Variants in CASR observed in about 807,000 individuals in gnomAD.
CASR encodes the protein extracellular calcium-sensing receptor.
CASR carries 23 observed loss-of-function variants against 69.1 expected under a neutral mutation model. The observed-to-expected ratio is 0.33, with a 90% confidence interval of 0.24 to 0.47. The LOEUF is 0.47. Among genes scored for constraint, CASR ranks in the 20% least tolerant of loss-of-function variants. The pLI is 1.00. For missense variants in CASR, 924 were observed against 1,356.1 expected (o/e 0.68, Z 5.00); for synonymous variants, 541 against 544.7 (o/e 0.99, Z 0.10).
intron 1 of CASR, among the ~76,000 whole-genome samples, chr3:122,245,837 TTAAAAC>T (rs998014496): frequency 6.6e-6 from 1 of 152,196 alleles, no homozygotes; most frequent in African/African-American, 2.4e-5. Context: ...TGCGGTCCAA[TTAAAAC>T]TAAAAGAATT....
At chr3:122,269,340 T>C in intron 4 of CASR, among the ~76,000 whole-genome samples, 1 of 152,206 alleles carries the variant, frequency 6.6e-6, no homozygotes, top group Non-Finnish European at 1.5e-5. Flanking sequence ...TACCACTGAG[T>C]ATGATGTTAA....
At chr3:122,252,468 G>A (rs1488273348) in intron 1 of CASR, among the ~76,000 whole-genome samples, 1 of 88,656 alleles carries the variant, frequency 1.1e-5, no homozygotes, top group Non-Finnish European at 2.2e-5. Flanking sequence ...AGAAAGAAAA[G>A]AAAAGAAGGG....
chr3:122,188,159 G>A (rs2073804904), intron 1 of CASR, among the ~76,000 whole-genome samples: 1 of 152,210 alleles, frequency 6.6e-6, no homozygotes, highest in South Asian at 2.1e-4. Context: ...CTGAGTTGAA[G>A]GGGGCTCATT....
chr3:122,266,284 A>G (rs12492591), intron 4 of CASR, among the ~76,000 whole-genome samples: 4,683 of 152,050 alleles, frequency 0.031, 107 homozygotes, highest in South Asian at 0.043. Context: ...ATGGCATAAA[A>G]GAGTATGTTA....
In CASR at chr3:122,284,747, G is replaced by A; in HGVS notation, c.2793G>A (p.Lys931=). The A allele has an allele frequency of 3.1e-6, 5 of 1,614,124 alleles. No homozygotes were observed. Among genetic ancestry groups the A allele is most frequent in the Non-Finnish European group, 4.2e-6 (5 of 1,179,982 alleles). Residue 931 remains lysine, a synonymous_variant, in exon 7 of 7, where the codon AAG becomes AAA. Coordinates refer to ENST00000639785, the MANE Select transcript of CASR (RefSeq NM_000388.4). ...CATTCCCACAGCCCGAGAGGCAGAAGCAGCAGCAGCCGCTGGCCCTAACCC... is the reference window on the plus strand; with the variant it reads ...CATTCCCACAGCCCGAGAGGCAGAAACAGCAGCAGCCGCTGGCCCTAACCC... ...EDPFPQPERQ[K]QQQPLALTQQ...
chr3:122,287,501 C>T lies in CASR; in HGVS notation c.*2310C>T, dbSNP rs964442684. ...GACAGAAACTTCATCTTAGTCGAAT[C>T]GGGGTTTTCACAGTAACCTCAGTGT... is the stretch of plus-strand genomic sequence containing the variant. On this transcript the variant is annotated 3_prime_UTR_variant, in exon 7 of 7. Coordinates refer to ENST00000639785, the MANE Select transcript of CASR (RefSeq NM_000388.4). The T allele has an allele frequency of 1.8e-4, 27 of 152,330 alleles. No individual in the cohort carries two copies. Among genetic ancestry groups the T allele is most frequent in the African/African-American group, 4.6e-4 (19 of 41,578 alleles). 9.4% of individuals were successfully genotyped at this position (152,330 alleles called of 1,614,324 possible). A position where few individuals can be genotyped will look rare whatever the true frequency, so the allele number is the denominator to read the frequency against.
At chr3:122,203,143 C>T (rs2073974215) in intron 1 of CASR, among the ~76,000 whole-genome samples, 1 of 152,224 alleles carries the variant, frequency 6.6e-6, no homozygotes, top group South Asian at 2.1e-4. Flanking sequence ...GTCCACATAA[C>T]TTATAAGAAT....
chr3:122,196,926 C>T (rs1332175301), intron 1 of CASR, among the ~76,000 whole-genome samples: 1 of 152,030 alleles, frequency 6.6e-6, no homozygotes, highest in Non-Finnish European at 1.5e-5. Flanking sequence ...GTTAACATAT[C>T]CATCACCTCA....
chr3:122,236,025 A>G (rs1450188012), intron 1 of CASR, among the ~76,000 whole-genome samples: 1 of 152,212 alleles, frequency 6.6e-6, no homozygotes, highest in Non-Finnish European at 1.5e-5. Flanking sequence ...GATGGTGCTG[A>G]TGCTCGTCCA....
At chr3:122,221,472 T>C (rs1179059615) in intron 1 of CASR, among the ~76,000 whole-genome samples, 1 of 152,226 alleles carries the variant, frequency 6.6e-6, no homozygotes, top group African/African-American at 2.4e-5. Context: ...GAGGAAGTTC[T>C]GAATTCATTA....
chr3:122,196,705 T>A (rs6767536), intron 1 of CASR, among the ~76,000 whole-genome samples: 137,250 of 152,082 alleles, frequency 0.9, 62,615 homozygotes, highest in Admixed American at 0.93. Context: ...TGCCCAGCAA[T>A]TGTTTGTATT....
At chr3:122,217,020 C>CT (rs2074123658) in intron 1 of CASR, among the ~76,000 whole-genome samples, 1 of 152,150 alleles carries the variant, frequency 6.6e-6, no homozygotes, top group African/African-American at 2.4e-5. Context: ...AGCTGACTGT[C>CT]TAACAAAGGA....
intron 1 of CASR, among the ~76,000 whole-genome samples, chr3:122,242,135 C>T (rs1164549040): frequency 6.6e-6 from 1 of 152,032 alleles, no homozygotes; most frequent in African/African-American, 2.4e-5. Context: ...ACAAGGATGC[C>T]CACTTTCACC....
intron 1 of CASR, among the ~76,000 whole-genome samples, chr3:122,253,400 T>A (rs769634763): frequency 5.9e-5 from 9 of 152,100 alleles, no homozygotes; most frequent in Non-Finnish European, 1.2e-4. Flanking sequence ...TGCCACCACA[T>A]CCAGCTAATT....
At chr3:122,270,506 A>G (rs1424162947) in intron 4 of CASR, among the ~76,000 whole-genome samples, 6 of 151,942 alleles carry the variant, frequency 3.9e-5, no homozygotes, top group South Asian at 2.1e-4. Flanking sequence ...ATTTATTTCT[A>G]TTCTGATCTT....
At chr3:122,258,507 A>G (rs559973135) in intron 3 of CASR, among the ~76,000 whole-genome samples, 1 of 152,280 alleles carries the variant, frequency 6.6e-6, no homozygotes, top group African/African-American at 2.4e-5. Context: ...TTTTGTGCCA[A>G]AGTGATCTGA....
intron 1 of CASR, among the ~76,000 whole-genome samples, chr3:122,234,354 T>C (rs1466807650): frequency 6.6e-6 from 1 of 152,222 alleles, no homozygotes; most frequent in African/African-American, 2.4e-5. Flanking sequence ...ACACCAGATT[T>C]GGCCCATGGA....
At chr3:122,219,852 T>C (rs2074154091) in intron 1 of CASR, among the ~76,000 whole-genome samples, 1 of 152,248 alleles carries the variant, frequency 6.6e-6, no homozygotes, top group Admixed American at 6.5e-5. Context: ...CTTGCAGATT[T>C]AGTTTGATCT....
chr3:122,238,457 G>A lies in CASR; in HGVS notation c.-242-15491G>A, dbSNP rs149506554. Among the ~76,000 whole-genome samples the A allele has an allele frequency of 1.6e-4, 25 of 152,310 alleles. No individual in the cohort carries two copies. The East Asian group carries it at 4.8e-3, about 29-fold the overall frequency. ...CCACCACGTGTTAAAGTGCTCTGGG[G>A]TCTTACATAAGCTTGAAAAGCAGTC... is the stretch of plus-strand genomic sequence containing the variant. On this transcript the variant is annotated intron_variant, in intron 1 of 6. Transcript: ENST00000639785.
Sources: gnomAD v4.1 joint callset for allele counts (sites outside exome capture counted in the v4.1 genomes callset) on GRCh38, gnomAD v4.1.1 for gene constraint, MANE v1.5 for transcripts, NCBI Gene and HGNC (gene_info 2026-07-23, HGNC 2026-07-21) for gene names.